The following FMNL2 variants were observed in gnomAD, a reference collection of about 807,000 sequenced individuals.
FMNL2 encodes formin-like protein 2.
Under a neutral mutation model 130.2 loss-of-function variants are expected in FMNL2, and 51 were observed. That is an observed-to-expected ratio of 0.39 (90% CI 0.31 to 0.49). FMNL2 has a LOEUF of 0.49. Among genes scored for constraint, FMNL2 ranks in the 20% least tolerant of loss-of-function variants. The probability of loss-of-function intolerance (pLI) is 0.85; values close to 1 mark genes in which losing one functional copy is unlikely to be tolerated. For missense variants in FMNL2, 977 were observed against 1,316.2 expected (o/e 0.74, Z 3.99); for synonymous variants, 465 against 467.1 (o/e 1.00, Z 0.06).
At chr2:152,449,185 C>T (rs977567883) in intron 1 of FMNL2, among the ~76,000 whole-genome samples, 20 of 152,222 alleles carry the variant, frequency 1.3e-4, no homozygotes, top group Non-Finnish European at 2.9e-4. Flanking sequence ...CTTCTTTCTC[C>T]CTCTGGTTTC....
chr2:152,422,424 A>G (rs997279633), intron 1 of FMNL2, among the ~76,000 whole-genome samples: 6 of 152,202 alleles, frequency 3.9e-5, no homozygotes, highest in African/African-American at 1.4e-4. Context: ...CATTGGATAA[A>G]TGGTTGTCTC....
In FMNL2 at chr2:152,521,985, C is replaced by T. The variant is rs758548648; in HGVS notation, c.160C>T (p.Gln54Ter). 6.2e-7 allele frequency: 1 copy of T among 1,611,952 alleles called. No individual in the cohort carries two copies. Among genetic ancestry groups the T allele is most frequent in the South Asian group, 1.1e-5 (1 of 90,580 alleles). The change falls in exon 2 of 26, where the codon CAG (glutamine) becomes TAG (stop). Residue 54 changes from glutamine (Q) to a stop codon, truncating the protein, a stop_gained. Transcript: ENST00000288670. LOFTEE classifies it high-confidence loss of function. ...TCCTGACAAAGCCAGGTTACTGCGG[C>T]AGTATGATAATGAGAAAAAATGGGA... is the stretch of plus-strand genomic sequence containing the variant. ...LPPDKARLLRQYDNEKKWELI... is the reference protein window; with the variant it reads ...LPPDKARLLR
chr2:152,596,695 G>T (rs1697790452), intron 9 of FMNL2, among the ~76,000 whole-genome samples: 1 of 152,220 alleles, frequency 6.6e-6, no homozygotes, highest in Non-Finnish European at 1.5e-5. Context: ...TTGACTCGTA[G>T]AAGATAGCTG....
intron 1 of FMNL2, among the ~76,000 whole-genome samples, chr2:152,394,318 G>T (rs1344932370): frequency 6.6e-6 from 1 of 152,064 alleles, no homozygotes; most frequent in African/African-American, 2.4e-5. Context: ...TGATTTGGAG[G>T]TCTAAATTTA....
chr2:152,344,914 G>A (rs986367432), intron 1 of FMNL2, among the ~76,000 whole-genome samples: 22 of 152,186 alleles, frequency 1.4e-4, no homozygotes, highest in Admixed American at 3.9e-4. Flanking sequence ...TTAGCCTTGA[G>A]AATAGAAAGA....
intron 1 of FMNL2, among the ~76,000 whole-genome samples, chr2:152,501,046 AAG>A (rs1691800757): frequency 6.6e-6 from 1 of 152,214 alleles, no homozygotes; most frequent in Admixed American, 6.5e-5. Flanking sequence ...TTTTCATGAG[AAG>A]ATGAAAATTT....
At chr2:152,472,128 T>TAATA (rs1200486653) in intron 1 of FMNL2, among the ~76,000 whole-genome samples, 1 of 152,244 alleles carries the variant, frequency 6.6e-6, no homozygotes, top group East Asian at 1.9e-4. Context: ...TTGCTTCGAT[T>TAATA]AATATAGTCT....
At chr2:152,371,312 A>T (rs751539664) in intron 1 of FMNL2, among the ~76,000 whole-genome samples, 1 of 152,150 alleles carries the variant, frequency 6.6e-6, no homozygotes, top group African/African-American at 2.4e-5. Context: ...TTTTTATCTC[A>T]GTTGCTTTCT....
intron 1 of FMNL2, among the ~76,000 whole-genome samples, chr2:152,449,440 C>T (rs1688517766): frequency 6.6e-6 from 1 of 152,010 alleles, no homozygotes; most frequent in African/African-American, 2.4e-5. Context: ...TTTTCCTGAC[C>T]TCTCCCCTTA....
chr2:152,470,290 G>A (rs936136660), intron 1 of FMNL2, among the ~76,000 whole-genome samples: 6 of 152,150 alleles, frequency 3.9e-5, no homozygotes, highest in African/African-American at 7.2e-5. Context: ...AGCAAGTCCC[G>A]TAATCTCAGG....
Position 152,628,497 on chromosome 2 carries a change from T to A in FMNL2, c.2364T>A (p.Ile788=), listed in dbSNP as rs1681949841. 6.2e-7 allele frequency: 1 copy of A among 1,613,990 alleles called. No individual in the cohort carries two copies. Among genetic ancestry groups the A allele is most frequent in the Non-Finnish European group, 8.5e-7 (1 of 1,179,864 alleles). Residue 788 remains isoleucine, a synonymous_variant, in exon 18 of 26, where the codon ATT becomes ATA. Coordinates refer to ENST00000288670, the MANE Select transcript of FMNL2 (RefSeq NM_052905.4). ...AGAAGATGACCATCATGGCCTTCAT[T>A]GGGAACTTTGCTGAAAGCATTCAGA... ...LMQKMTIMAF[I]GNFAESIQML...
At chr2:152,543,029 TGA>T (rs1488843654) in intron 3 of FMNL2, among the ~76,000 whole-genome samples, 3 of 152,208 alleles carry the variant, frequency 2.0e-5, no homozygotes, top group Non-Finnish European at 4.4e-5. Flanking sequence ...TTTCCTGACA[TGA>T]GAGTCACGTA....
intron 1 of FMNL2, among the ~76,000 whole-genome samples, chr2:152,391,843 G>T (rs1685127987): frequency 6.8e-6 from 1 of 146,906 alleles, no homozygotes; most frequent in Non-Finnish European, 1.5e-5. Context: ...GCTGGCTAGA[G>T]CCCTTACCAA....
intron 7 of FMNL2, among the ~76,000 whole-genome samples, chr2:152,576,420 A>G (rs530545166): frequency 3.8e-4 from 58 of 152,298 alleles, no homozygotes; most frequent in Middle Eastern, 3.4e-3. Flanking sequence ...ATGAAAGCTA[A>G]TGCTTACATG....
intron 1 of FMNL2, among the ~76,000 whole-genome samples, chr2:152,478,577 C>G (rs1347396869): frequency 6.6e-6 from 1 of 151,854 alleles, no homozygotes; most frequent in African/African-American, 2.4e-5. Flanking sequence ...GCAAAGTGTA[C>G]CAAATAACAA....
chr2:152,438,986 A>G (rs1302526954), intron 1 of FMNL2, among the ~76,000 whole-genome samples: 1 of 152,108 alleles, frequency 6.6e-6, no homozygotes, highest in African/African-American at 2.4e-5. Flanking sequence ...AACATAACCA[A>G]TTTAAGATCT....
chr2:152,480,397 G>A (rs897972164), intron 1 of FMNL2, among the ~76,000 whole-genome samples: 4 of 152,076 alleles, frequency 2.6e-5, no homozygotes, highest in Non-Finnish European at 5.9e-5. Flanking sequence ...TTGGGAGGCC[G>A]AGGCGGATGG....
intron 1 of FMNL2, among the ~76,000 whole-genome samples, chr2:152,344,626 A>G (rs1682010065): frequency 1.3e-5 from 2 of 152,236 alleles, no homozygotes; most frequent in African/African-American, 2.4e-5. Context: ...AGAAAATTCT[A>G]TACATATGGT....
intron 1 of FMNL2, among the ~76,000 whole-genome samples, chr2:152,499,810 C>T (rs1203352190): frequency 6.6e-6 from 1 of 152,202 alleles, no homozygotes; most frequent in East Asian, 1.9e-4. Context: ...CATTTATGCA[C>T]ATATTAGCAG....
Sources: allele counts gnomAD v4.1 joint callset (sites outside exome capture counted in the v4.1 genomes callset), GRCh38; gene constraint gnomAD v4.1.1; transcripts MANE v1.5; gene names NCBI Gene and HGNC (gene_info 2026-07-23, HGNC 2026-07-21).